TBC1D15: variants seen among roughly 807,000 people sequenced by gnomAD.
TBC1D15 encodes GAP for RAB7.
TBC1D15 carries 39 observed loss-of-function variants against 95.4 expected under a neutral mutation model. That is an observed-to-expected ratio of 0.41 (90% CI 0.32 to 0.53). The LOEUF is 0.53. TBC1D15 is among the 20% of genes least tolerant of loss of function. TBC1D15 has a pLI of 0.29. For synonymous variants in TBC1D15, 258 were observed against 261.3 expected, an observed-to-expected ratio of 0.99 and a Z score of 0.12; for missense variants, 733 against 794.3, an observed-to-expected ratio of 0.92 and a Z score of 0.93.
rs181926795 is a variant in TBC1D15 at position 71,912,099 on chromosome 12, T to G, written c.1301-1727T>G. On this transcript the variant is annotated intron_variant, in intron 11 of 16. Transcript: ENST00000485960. ...TTTGTTGAATTCAGATTAGATTTCCTTCATGCTTTAATTGGTTTAGCCTTT... is the reference window on the plus strand; with the variant it reads ...TTTGTTGAATTCAGATTAGATTTCCGTCATGCTTTAATTGGTTTAGCCTTT... 5.5e-3 allele frequency among the ~76,000 whole-genome samples: 840 copies of G among 152,312 alleles called. 38 individuals carry two copies. Among genetic ancestry groups the G allele is most frequent in the Non-Finnish European group, 1.0e-3 (70 of 68,012 alleles).
At chr12:71,879,137 T>C (rs112249968) in intron 3 of TBC1D15, among the ~76,000 whole-genome samples, 47 of 112,274 alleles carry the variant, frequency 4.2e-4, no homozygotes, top group Middle Eastern at 4.2e-3. Flanking sequence ...CTCTCTCTCT[T>C]TTTTTTTTTT....
chr12:71,863,193 A>G (rs969444691), intron 1 of TBC1D15, among the ~76,000 whole-genome samples: 16 of 152,112 alleles, frequency 1.1e-4, no homozygotes, highest in Admixed American at 7.2e-4. Context: ...CCTGGCTAAC[A>G]TGGTGAAACC....
intron 16 of TBC1D15, among the ~76,000 whole-genome samples, chr12:71,922,192 C>T (rs1009628274): frequency 6.6e-6 from 1 of 152,180 alleles, no homozygotes; most frequent in Admixed American, 6.5e-5. Context: ...TCAGTCGATT[C>T]TCCTGCCTCA....
At chr12:71,886,796 G>T (rs1375691295) in intron 5 of TBC1D15, among the ~76,000 whole-genome samples, 1 of 152,192 alleles carries the variant, frequency 6.6e-6, no homozygotes, top group Non-Finnish European at 1.5e-5. Context: ...AGGAGAGACA[G>T]TATCATGATT....
At position 71,916,581 on chromosome 12, in the gene TBC1D15, T is replaced by C. The variant is rs78896728; in HGVS notation, c.1402-1117T>C. Among the ~76,000 whole-genome samples the C allele has an allele frequency of 1.8e-3, 278 of 152,348 alleles. 1 individual carries two copies. The highest frequency in any genetic ancestry group is 6.0e-3 in the African/African-American group (248 of 41,586). On this transcript the variant is annotated intron_variant, in intron 12 of 16. Transcript: ENST00000485960. ...TGAATTGTTTCTAATATGATAGTTCTAATAAAGCACTATTGTACTGTAAAA... is the reference window on the plus strand; with the variant it reads ...TGAATTGTTTCTAATATGATAGTTCCAATAAAGCACTATTGTACTGTAAAA...
intron 1 of TBC1D15, among the ~76,000 whole-genome samples, chr12:71,865,374 G>T (rs1247593874): frequency 6.6e-6 from 1 of 152,156 alleles, no homozygotes; most frequent in East Asian, 1.9e-4. Flanking sequence ...TACTTTGAAG[G>T]TTTGGGCCTG....
chr12:71,920,302 T>C (rs2139108527), intron 14 of TBC1D15, among the ~76,000 whole-genome samples: 1 of 152,336 alleles, frequency 6.6e-6, no homozygotes, highest in South Asian at 2.1e-4. Flanking sequence ...TCTGATTCCA[T>C]GTACTGTGTA....
chr12:71,882,555 TCTTTAC>T (rs975000496), intron 4 of TBC1D15, among the ~76,000 whole-genome samples: 1 of 152,240 alleles, frequency 6.6e-6, no homozygotes, highest in Non-Finnish European at 1.5e-5. Context: ...TAATTAATTT[TCTTTAC>T]CTTTGCTTTG....
Position 71,923,201 on chromosome 12 carries a change from A to G in TBC1D15, c.2022A>G (p.Ala674=), listed in dbSNP as rs1440964456. The change falls in exon 17 of 17, where the codon GCA becomes GCG. Residue 674 remains alanine, a synonymous_variant. Coordinates refer to ENST00000485960, the MANE Select transcript of TBC1D15 (RefSeq NM_001146213.3). ...CAGATGTCTGCAGATTAACACCTGC[A>G]TGATCACTGTTCTTGCTTTTTTGGG... ...VSSDVCRLTP[A] The G allele has an allele frequency of 3.1e-6, 5 of 1,613,788 alleles. No individual in the cohort carries two copies. Among genetic ancestry groups the G allele is most frequent in the East Asian group, 2.2e-5 (1 of 44,892 alleles).
At chr12:71,851,123 C>T (rs1464856977) in intron 1 of TBC1D15, among the ~76,000 whole-genome samples, 1 of 151,886 alleles carries the variant, frequency 6.6e-6, no homozygotes, top group Non-Finnish European at 1.5e-5. Context: ...TGGGAGGCCT[C>T]AGGAAACTTA....
At chr12:71,905,668 GT>G (rs1446344407) in intron 10 of TBC1D15, among the ~76,000 whole-genome samples, 1 of 151,946 alleles carries the variant, frequency 6.6e-6, no homozygotes, top group Non-Finnish European at 1.5e-5. Context: ...AATAGCATGA[GT>G]TTTTTGGTAT....
chr12:71,903,869 G>A (rs1315192189), intron 10 of TBC1D15, among the ~76,000 whole-genome samples: 1 of 152,184 alleles, frequency 6.6e-6, no homozygotes, highest in Admixed American at 6.5e-5. Context: ...AAGGGTGGTA[G>A]GAGGGTGAGG....
chr12:71,844,284 C>G (rs1316733165), intron 1 of TBC1D15, among the ~76,000 whole-genome samples: 1 of 152,188 alleles, frequency 6.6e-6, no homozygotes, highest in Non-Finnish European at 1.5e-5. Context: ...GGATAAATTT[C>G]AAACTCCTAA....
intron 1 of TBC1D15, chr12:71,840,967 A>T (rs570452101): frequency 6.6e-6 from 1 of 152,150 alleles, no homozygotes; most frequent in African/African-American, 2.4e-5. Context: ...TTAGGGTTAT[A>T]TAAATTTTTT....
intron 9 of TBC1D15, 96 bp from the exon 10 acceptor site, chr12:71,897,751 A>G: frequency 1.2e-6 from 1 of 810,786 alleles, no homozygotes; most frequent in Non-Finnish European, 2.0e-6. Context: ...AGCATCATAA[A>G]TGCTTTGATA....
chr12:71,883,102 A>G (rs1340595769), intron 4 of TBC1D15, among the ~76,000 whole-genome samples: 2 of 151,672 alleles, frequency 1.3e-5, no homozygotes, highest in East Asian at 1.9e-4. Context: ...AATTGTCTAT[A>G]TGTAGTTTTT....
At chr12:71,903,782 C>T (rs1300399623) in intron 10 of TBC1D15, among the ~76,000 whole-genome samples, 3 of 152,150 alleles carry the variant, frequency 2.0e-5, no homozygotes, top group Admixed American at 2.0e-4. Flanking sequence ...CATGTTCTCA[C>T]TACAAGTAGG....
chr12:71,896,831 C>T (rs570136783), intron 9 of TBC1D15, 51 bp downstream of exon 9: 2 of 1,427,266 alleles, frequency 1.4e-6, no homozygotes, highest in Non-Finnish European at 2.0e-6. Context: ...GTAACCCACT[C>T]ATACAAATTA....
At chr12:71,854,630 A>G (rs747116488) in intron 1 of TBC1D15, 4 of 456,564 alleles carry the variant, frequency 8.8e-6, no homozygotes, top group South Asian at 3.1e-5. Context: ...GTGCCAGTAG[A>G]TGTTTGGATA....
Sources: allele counts gnomAD v4.1 joint callset (sites outside exome capture counted in the v4.1 genomes callset), GRCh38; gene constraint gnomAD v4.1.1; transcripts MANE v1.5; gene names NCBI Gene and HGNC (gene_info 2026-07-23, HGNC 2026-07-21).